Variants in DCC observed in about 807,000 individuals in gnomAD.
DCC encodes netrin receptor DCC.
DCC carries 58 observed loss-of-function variants against 172.5 expected under a neutral mutation model. That is an observed-to-expected ratio of 0.34 (90% confidence interval 0.27 to 0.42). DCC has a LOEUF of 0.42. Ranked by LOEUF, DCC falls within the 10% of genes least tolerant of loss-of-function variation. DCC has a pLI of 1.00. For synonymous variants in DCC, 709 were observed against 644.5 expected (o/e 1.10, Z -1.52); for missense variants, 1,740 against 1,791.0 (o/e 0.97, Z 0.51).
chr18:52,357,893 G>A (rs1214448187), intron 1 of DCC, among the ~76,000 whole-genome samples: 16 of 147,954 alleles, frequency 1.1e-4, no homozygotes, highest in Admixed American at 7.6e-4. Flanking sequence ...AGCTGAGATC[G>A]CGCCACTGCA....
intron 1 of DCC, among the ~76,000 whole-genome samples, chr18:52,514,802 A>G (rs189097289): frequency 5.3e-5 from 8 of 152,354 alleles, no homozygotes; most frequent in South Asian, 4.1e-4. Flanking sequence ...GATCGAAAAT[A>G]AGTGGAAATA....
At chr18:52,471,077 G>A (rs1014257438) in intron 1 of DCC, among the ~76,000 whole-genome samples, 24 of 152,276 alleles carry the variant, frequency 1.6e-4, no homozygotes, top group South Asian at 4.1e-4. Flanking sequence ...CTGGCTGGGC[G>A]TGGTGGTTCA....
chr18:52,522,939 C>A (rs1342315655), intron 1 of DCC, among the ~76,000 whole-genome samples: 1 of 152,054 alleles, frequency 6.6e-6, no homozygotes, highest in Non-Finnish European at 1.5e-5. Context: ...AGAACGGGAC[C>A]CAGCTATAGA....
At chr18:53,421,287 C>T (rs1798127193) in intron 21 of DCC, among the ~76,000 whole-genome samples, 1 of 152,140 alleles carries the variant, frequency 6.6e-6, no homozygotes, top group Non-Finnish European at 1.5e-5. Flanking sequence ...TACGTCTGCT[C>T]ATTGTAACAA....
intron 1 of DCC, among the ~76,000 whole-genome samples, chr18:52,611,987 T>C (rs61707254): frequency 0.13 from 20,442 of 152,070 alleles, 1,523 homozygotes; most frequent in Non-Finnish European, 0.15. Context: ...TGGCATTGGA[T>C]TTTTTTAAAT....
chr18:52,590,778 G>C (rs1330758777), intron 1 of DCC, among the ~76,000 whole-genome samples: 1 of 152,194 alleles, frequency 6.6e-6, no homozygotes, highest in Non-Finnish European at 1.5e-5. Flanking sequence ...AAATACTTGT[G>C]CTTAATTAAG....
chr18:53,405,825 C>T (rs552618701), intron 19 of DCC, among the ~76,000 whole-genome samples: 15 of 152,212 alleles, frequency 9.9e-5, no homozygotes, highest in African/African-American at 3.6e-4. Context: ...AAAGCTTAGG[C>T]CTTTCCTGAG....
At chr18:52,812,029 A>C (rs2038210710) in intron 2 of DCC, among the ~76,000 whole-genome samples, 1 of 152,240 alleles carries the variant, frequency 6.6e-6, no homozygotes, top group Non-Finnish European at 1.5e-5. Context: ...ATTGAGAGCC[A>C]GCATGGTCCA....
intron 7 of DCC, among the ~76,000 whole-genome samples, chr18:53,138,798 C>A (rs1271559701): frequency 6.6e-6 from 1 of 152,086 alleles, no homozygotes; most frequent in East Asian, 1.9e-4. Context: ...GATAAGCTAC[C>A]AAATACTGTA....
chr18:52,894,591 G>A (rs985734335), intron 2 of DCC, among the ~76,000 whole-genome samples: 2 of 151,808 alleles, frequency 1.3e-5, no homozygotes, highest in African/African-American at 4.8e-5. Flanking sequence ...GGTTCTGGAG[G>A]CTTAGAAGTC....
At position 52,533,413 on chromosome 18, in the gene DCC, C is replaced by A. The variant is rs553430567; in HGVS notation, c.91+192535C>A. ...CTTTGATGTGCCTGCCTTCTACCAT[C>A]CCTAGCCTCTCGCAACCACTAAACC... is the stretch of plus-strand genomic sequence containing the variant. On this transcript the variant is annotated intron_variant, in intron 1 of 28. Transcript: ENST00000442544. Among the ~76,000 whole-genome samples, 6 of 152,252 alleles carry A rather than the reference C, an allele frequency of 3.9e-5. No individual in the cohort carries two copies. The East Asian group carries it at 1.2e-3, about 29-fold the overall frequency.
At chr18:52,476,386 C>T (rs1189602679) in intron 1 of DCC, among the ~76,000 whole-genome samples, 5 of 151,996 alleles carry the variant, frequency 3.3e-5, no homozygotes, top group African/African-American at 7.3e-5. Flanking sequence ...TTCGTGTGAG[C>T]GTTTAATTAA....
intron 1 of DCC, among the ~76,000 whole-genome samples, chr18:52,623,477 G>A (rs963407915): frequency 6.6e-6 from 1 of 152,088 alleles, no homozygotes; most frequent in Non-Finnish European, 1.5e-5. Context: ...TCTAAAGTGT[G>A]GGGGGAGAGA....
chr18:52,653,011 T>A lies in DCC; in HGVS notation c.92-99043T>A, dbSNP rs569298404. Among the ~76,000 whole-genome samples, 4 of 152,196 alleles carry A rather than the reference T, an allele frequency of 2.6e-5. No homozygotes were observed. The East Asian group carries it at 7.7e-4, about 29-fold the overall frequency. On this transcript the variant is annotated intron_variant, in intron 1 of 28. Transcript: ENST00000442544. ...GTATTTCCTTACTTCTAAAGCACAC[T>A]TTTTTCCCCATATTTTACTGTCTTT...
intron 5 of DCC, among the ~76,000 whole-genome samples, chr18:53,030,548 C>T (rs1181331702): frequency 6.6e-6 from 1 of 152,030 alleles, no homozygotes; most frequent in Non-Finnish European, 1.5e-5. Flanking sequence ...CTTAGCTGTT[C>T]TTGGACCTAT....
chr18:52,842,469 C>A (rs1413067490), intron 2 of DCC, among the ~76,000 whole-genome samples: 1 of 152,142 alleles, frequency 6.6e-6, no homozygotes, highest in East Asian at 1.9e-4. Flanking sequence ...TCTTTTTGTT[C>A]TATTAAGGCC....
At chr18:53,348,847 C>G (rs1358391999) in intron 15 of DCC, among the ~76,000 whole-genome samples, 1 of 152,178 alleles carries the variant, frequency 6.6e-6, no homozygotes, top group African/African-American at 2.4e-5. Context: ...CACAGGGACC[C>G]TGGGCCCAGC....
intron 7 of DCC, among the ~76,000 whole-genome samples, chr18:53,146,207 C>A (rs1297209500): frequency 6.6e-6 from 1 of 151,840 alleles, no homozygotes; most frequent in African/African-American, 2.4e-5. Context: ...GGTGACAGAA[C>A]AAGACTCTGT....
chr18:53,284,254 C>A (rs573568391), intron 12 of DCC, among the ~76,000 whole-genome samples: 2 of 152,168 alleles, frequency 1.3e-5, no homozygotes, highest in Non-Finnish European at 2.9e-5. Context: ...TGTATTTGTT[C>A]TTTTAAATAA....
Sources: gnomAD v4.1 joint callset for allele counts (sites outside exome capture counted in the v4.1 genomes callset) on GRCh38, gnomAD v4.1.1 for gene constraint, MANE v1.5 for transcripts, NCBI Gene and HGNC (gene_info 2026-07-23, HGNC 2026-07-21) for gene names.